MYOCOS: variants seen among roughly 807,000 people sequenced by gnomAD.
The protein encoded by MYOCOS is myocilin opposite strand protein.
chr1:171,608,109 G>A (rs977065657), intron 1 of MYOCOS, among the ~76,000 whole-genome samples: 1 of 152,048 alleles, frequency 6.6e-6, no homozygotes, highest in Non-Finnish European at 1.5e-5. Context: ...TCTCCCACCG[G>A]GTCCCTCCCA....
intron 1 of MYOCOS, among the ~76,000 whole-genome samples, chr1:171,609,345 C>A (rs1028207408): frequency 3.9e-5 from 6 of 152,230 alleles, no homozygotes; most frequent in African/African-American, 1.4e-4. Context: ...TGCTGTATAA[C>A]TTCTTTCCTT....
intron 1 of MYOCOS, among the ~76,000 whole-genome samples, chr1:171,605,398 A>C (rs12142835): frequency 0.3 from 35,609 of 116,890 alleles, 4,261 homozygotes; most frequent in South Asian, 0.33. Context: ...CACACACAAA[A>C]AAAAAAAAAC....
chr1:171,608,934 T>C (rs1652303678), intron 1 of MYOCOS, among the ~76,000 whole-genome samples: 1 of 152,164 alleles, frequency 6.6e-6, no homozygotes, highest in Non-Finnish European at 1.5e-5. Context: ...GCCTCCACTA[T>C]AGTTCACCTT....
chr1:171,617,933 A>G (rs958621048), upstream of MYOCOS, among the ~76,000 whole-genome samples: 3 of 152,192 alleles, frequency 2.0e-5, no homozygotes, highest in Admixed American at 6.5e-5. Flanking sequence ...GAGTAAGGTG[A>G]GAGGAGACAG....
intron 2 of MYOCOS, among the ~76,000 whole-genome samples, chr1:171,616,750 TC>T (rs1442375056): frequency 6.6e-6 from 1 of 152,134 alleles, no homozygotes; most frequent in Non-Finnish European, 1.5e-5. Context: ...GAATGTCATA[TC>T]CTATAGATGG....
At chr1:171,624,007 T>A (rs958772685) in intron 2 of MYOCOS, 29 bp downstream of exon 2, 7 of 398,448 alleles carry the variant, frequency 1.8e-5, no homozygotes, top group African/African-American at 1.4e-4. Context: ...CTGGATCGCT[T>A]GTGGGGTTGG....
chr1:171,606,527 T>C (rs1652246425), intron 1 of MYOCOS, among the ~76,000 whole-genome samples: 1 of 152,184 alleles, frequency 6.6e-6, no homozygotes, highest in African/African-American at 2.4e-5. Context: ...TAGAATCCGA[T>C]GTTACCCACA....
At chr1:171,607,634 G>T (rs1016621887) in intron 1 of MYOCOS, among the ~76,000 whole-genome samples, 1 of 152,146 alleles carries the variant, frequency 6.6e-6, no homozygotes, top group Non-Finnish European at 1.5e-5. Flanking sequence ...GTTGGCATGT[G>T]CCCAAAGTGA....
intron 2 of MYOCOS, among the ~76,000 whole-genome samples, chr1:171,625,145 G>A (rs895154431): frequency 2.6e-5 from 4 of 152,152 alleles, no homozygotes; most frequent in African/African-American, 9.7e-5. Context: ...TGTTGATAGT[G>A]GTGCACAGCC....
upstream of MYOCOS, chr1:171,622,171 A>G (rs992989519): frequency 3.3e-5 from 5 of 152,156 alleles, no homozygotes; most frequent in African/African-American, 4.8e-5. Flanking sequence ...AGCTTTTTAA[A>G]AAGTAGTCAA....
At chr1:171,605,971 T>C (rs1156651000) in intron 1 of MYOCOS, among the ~76,000 whole-genome samples, 2 of 152,222 alleles carry the variant, frequency 1.3e-5, no homozygotes, top group Non-Finnish European at 2.9e-5. Flanking sequence ...TACTAATTGT[T>C]GTCTAAACAT....
intron 1 of MYOCOS, among the ~76,000 whole-genome samples, chr1:171,613,148 C>T (rs1405028689): frequency 6.6e-6 from 1 of 152,130 alleles, no homozygotes; most frequent in African/African-American, 2.4e-5. Context: ...GACTAAATGT[C>T]CCTAGATCTC....
intron 2 of MYOCOS, among the ~76,000 whole-genome samples, chr1:171,626,141 G>A (rs1652690993): frequency 6.6e-6 from 1 of 152,166 alleles, no homozygotes; most frequent in Non-Finnish European, 1.5e-5. Flanking sequence ...AGCGTGCAGT[G>A]GTGCAATCAT....
chr1:171,607,549 G>A (rs1404083918), intron 1 of MYOCOS, among the ~76,000 whole-genome samples: 1 of 152,000 alleles, frequency 6.6e-6, no homozygotes, highest in African/African-American at 2.4e-5. Context: ...CTAAAATGTG[G>A]TTCTCTAAAA....
intron 2 of MYOCOS, among the ~76,000 whole-genome samples, chr1:171,615,437 G>T (rs993430417): frequency 1.3e-5 from 2 of 152,180 alleles, no homozygotes; most frequent in African/African-American, 4.8e-5. Flanking sequence ...GAAAGTGAGG[G>T]AAGAGAGAGT....
upstream of MYOCOS, among the ~76,000 whole-genome samples, chr1:171,620,566 A>G (rs1224201141): frequency 1.3e-5 from 2 of 152,166 alleles, no homozygotes; most frequent in African/African-American, 2.4e-5. Flanking sequence ...GGCAGCCACT[A>G]TAAGACTTTG....
chr1:171,602,023 A>G (rs928991857), intron 1 of MYOCOS, among the ~76,000 whole-genome samples: 4 of 152,052 alleles, frequency 2.6e-5, no homozygotes, highest in Non-Finnish European at 5.9e-5. Context: ...TAGTCCAAAG[A>G]CATAAAGAAA....
chr1:171,616,216 TCAAAA>T (rs1400678235), intron 2 of MYOCOS, among the ~76,000 whole-genome samples: 1 of 145,660 alleles, frequency 6.9e-6, no homozygotes, highest in Non-Finnish European at 1.5e-5. Context: ...AAACTCCATC[TCAAAA>T]CAAAAAACAA....
At chr1:171,617,922 AG>A (rs1214716934), upstream of MYOCOS, among the ~76,000 whole-genome samples, 1 of 152,196 alleles carries the variant, frequency 6.6e-6, no homozygotes, top group Non-Finnish European at 1.5e-5. Flanking sequence ...TAGTTCATCT[AG>A]AGTAAGGTGA....
Sources: allele counts gnomAD v4.1 joint callset (sites outside exome capture counted in the v4.1 genomes callset), GRCh38; gene constraint gnomAD v4.1.1; transcripts MANE v1.5; gene names NCBI Gene and HGNC (gene_info 2026-07-23, HGNC 2026-07-21).